NELL2: variants seen among roughly 807,000 people sequenced by gnomAD.
NELL2 encodes protein kinase C-binding protein NELL2.
NELL2 carries 41 observed loss-of-function variants against 109.6 expected under a neutral mutation model. The ratio of observed to expected loss-of-function variants is 0.37; its 90% confidence interval spans 0.29 to 0.49. NELL2 has a LOEUF of 0.49. NELL2 is among the 20% of genes least tolerant of loss of function. NELL2 has a pLI of 0.98. For missense variants in NELL2, 900 were observed against 1,008.3 expected (o/e 0.89, Z 1.45); for synonymous variants, 355 against 344.7 (o/e 1.03, Z -0.33).
chr12:44,509,045 C>T, intron 19 of NELL2, 61 bp from the exon 20 acceptor site: 1 of 1,353,648 alleles, frequency 7.4e-7, no homozygotes, highest in Non-Finnish European at 1.1e-6. Context: ...AGTAAATGAT[C>T]ACATTTATTG....
At chr12:44,771,346 T>TTAAA (rs200038651) in intron 9 of NELL2, among the ~76,000 whole-genome samples, 2 of 143,882 alleles carry the variant, frequency 1.4e-5, no homozygotes, top group Admixed American at 6.9e-5. Flanking sequence ...ATGGTTTTTT[T>TTAAA]AAAAAAAAAA....
chr12:44,508,494 C>T lies in NELL2; in HGVS notation c.*440G>A, dbSNP rs1417722252. 1 of 157,674 alleles carries T rather than the reference C, an allele frequency of 6.3e-6. No individual in the cohort carries two copies. The highest frequency in any genetic ancestry group is 1.4e-5 in the Non-Finnish European group (1 of 71,516). The allele number at this position is 157,674 out of a possible 1,614,324, so 9.8% of individuals were successfully genotyped here. A position where few individuals can be genotyped will look rare whatever the true frequency, so the allele number is the denominator to read the frequency against. ...GTGTACTGTACATAACATGTTATAGCTTCTTTGCTTTACTTCTGAAAATAT... is the reference window on the plus strand; with the variant it reads ...GTGTACTGTACATAACATGTTATAGTTTCTTTGCTTTACTTCTGAAAATAT... On this transcript the variant is annotated 3_prime_UTR_variant, in exon 20 of 20. Transcript: ENST00000429094.
At chr12:44,716,122 T>C (rs1330595381) in intron 9 of NELL2, among the ~76,000 whole-genome samples, 1 of 152,120 alleles carries the variant, frequency 6.6e-6, no homozygotes, top group Non-Finnish European at 1.5e-5. Flanking sequence ...AATATCAATA[T>C]ATTGTTGTAC....
chr12:44,793,864 T>A (rs1347956761), intron 3 of NELL2, among the ~76,000 whole-genome samples: 1 of 152,172 alleles, frequency 6.6e-6, no homozygotes, highest in African/African-American at 2.4e-5. Flanking sequence ...TCAGTCACCA[T>A]TAAAATGCAC....
At chr12:44,801,718 GGGTA>G (rs929645101) in intron 3 of NELL2, among the ~76,000 whole-genome samples, 1 of 152,134 alleles carries the variant, frequency 6.6e-6, no homozygotes, top group African/African-American at 2.4e-5. Flanking sequence ...GCCTGACACA[GGGTA>G]GGCGCTGAAA....
chr12:44,537,518 T>C (rs544350470), intron 15 of NELL2, among the ~76,000 whole-genome samples: 1 of 152,230 alleles, frequency 6.6e-6, no homozygotes, highest in Non-Finnish European at 1.5e-5. Context: ...TTTTTCATAC[T>C]ATTTATCATT....
intron 12 of NELL2, among the ~76,000 whole-genome samples, chr12:44,696,109 G>A (rs1219566092): frequency 2.0e-5 from 3 of 152,226 alleles, no homozygotes; most frequent in African/African-American, 7.2e-5. Context: ...AAAGAGGGTA[G>A]AAGAGGCATC....
At chr12:44,843,333 T>G (rs912864573) in intron 2 of NELL2, among the ~76,000 whole-genome samples, 1 of 152,092 alleles carries the variant, frequency 6.6e-6, no homozygotes, top group South Asian at 2.1e-4. Flanking sequence ...ATCAGAGAAA[T>G]GCAAATTAAA....
intron 2 of NELL2, among the ~76,000 whole-genome samples, chr12:44,832,427 C>G (rs1304901017): frequency 2.0e-5 from 3 of 152,134 alleles, no homozygotes; most frequent in Admixed American, 2.0e-4. Flanking sequence ...TGGTGTGCAT[C>G]CTTTCTTCTC....
chr12:44,767,370 C>T (rs1057223974), intron 9 of NELL2, among the ~76,000 whole-genome samples: 4 of 152,130 alleles, frequency 2.6e-5, no homozygotes, highest in African/African-American at 9.7e-5. Context: ...CCCGGAGAGA[C>T]GTGCTGTTTT....
chr12:44,539,999 T>A (rs11182529), intron 15 of NELL2, among the ~76,000 whole-genome samples: 60,117 of 152,048 alleles, frequency 0.4, 13,507 homozygotes, highest in East Asian at 0.67. Context: ...AATAACATGA[T>A]AGTAAAATGA....
At chr12:44,649,144 A>C (rs1947212708) in intron 13 of NELL2, among the ~76,000 whole-genome samples, 1 of 151,982 alleles carries the variant, frequency 6.6e-6, no homozygotes, top group Non-Finnish European at 1.5e-5. Flanking sequence ...ACACCAACCA[A>C]GCAGATTAAG....
chr12:44,546,675 A>C (rs539816158), intron 15 of NELL2, among the ~76,000 whole-genome samples: 1 of 152,320 alleles, frequency 6.6e-6, no homozygotes, highest in Admixed American at 6.5e-5. Flanking sequence ...AGACTAATTA[A>C]ATTTTGTGTT....
intron 12 of NELL2, among the ~76,000 whole-genome samples, chr12:44,672,493 C>T (rs1047813247): frequency 6.6e-6 from 1 of 152,192 alleles, no homozygotes; most frequent in Non-Finnish European, 1.5e-5. Flanking sequence ...TTGTGTTCCA[C>T]AAAACCAGTC....
intron 13 of NELL2, among the ~76,000 whole-genome samples, chr12:44,663,986 A>G (rs1947837470): frequency 6.6e-6 from 1 of 152,162 alleles, no homozygotes; most frequent in Non-Finnish European, 1.5e-5. Context: ...TGGAACTGCT[A>G]GCACTCATTT....
intron 13 of NELL2, among the ~76,000 whole-genome samples, chr12:44,657,981 T>C (rs989334236): frequency 6.6e-6 from 1 of 152,226 alleles, no homozygotes; most frequent in Admixed American, 6.5e-5. Flanking sequence ...TTATAAGACT[T>C]TGGGTATATA....
intron 12 of NELL2, among the ~76,000 whole-genome samples, chr12:44,685,077 A>T (rs1290184245): frequency 6.6e-6 from 1 of 152,020 alleles, no homozygotes; most frequent in Non-Finnish European, 1.5e-5. Flanking sequence ...GTCACTCAGG[A>T]CTTGCTTTAT....
chr12:44,548,460 G>A (rs1012904160), intron 15 of NELL2, among the ~76,000 whole-genome samples: 5 of 151,666 alleles, frequency 3.3e-5, no homozygotes, highest in South Asian at 2.1e-4. Context: ...CAGGAGAATC[G>A]CTTGAACCTG....
chr12:44,875,718 C>T (rs577164962), intron 1 of NELL2, 97 bp downstream of exon 1: 6 of 1,609,640 alleles, frequency 3.7e-6, no homozygotes, highest in African/African-American at 1.3e-5. Flanking sequence ...TCCAGACCTA[C>T]TTTGGGTCCG....
Sources: gnomAD v4.1 joint callset for allele counts (sites outside exome capture counted in the v4.1 genomes callset) on GRCh38, gnomAD v4.1.1 for gene constraint, MANE v1.5 for transcripts, NCBI Gene and HGNC (gene_info 2026-07-23, HGNC 2026-07-21) for gene names.